Variants in ZBTB25 observed in about 807,000 individuals in gnomAD.
ZBTB25 encodes the protein zinc finger and BTB domain-containing protein 25.
In ZBTB25, 20 loss-of-function variants were observed where a neutral mutation model predicts 34.2. The observed-to-expected ratio is 0.58, with a 90% confidence interval of 0.41 to 0.85. The LOEUF is 0.85. Among genes scored for constraint, ZBTB25 ranks in the 40% least tolerant of loss-of-function variants. ZBTB25 has a pLI of 0.00. For missense variants in ZBTB25, 437 were observed against 521.8 expected (o/e 0.84, Z 1.58); for synonymous variants, 175 against 186.4 (o/e 0.94, Z 0.50).
Position 64,485,281 on chromosome 14 carries a change from T to C in ZBTB25, c.*1642A>G. 2 of 985,464 alleles carry C rather than the reference T, an allele frequency of 2.0e-6. No homozygotes were observed. The highest frequency in any genetic ancestry group is 2.4e-6 in the Non-Finnish European group (2 of 829,930). The allele number at this position is 985,464 out of a possible 1,614,324, so 61.0% of individuals were successfully genotyped here. On this transcript the variant is annotated 3_prime_UTR_variant, in exon 3 of 3. Transcript: ENST00000608382. Reference sequence around the variant, plus strand: ...AAGTGGAGGGAGCTCAAGAGTTTTGTAAGTGGTTAAATTCTAAGGCTCACA... The same window carrying C: ...AAGTGGAGGGAGCTCAAGAGTTTTGCAAGTGGTTAAATTCTAAGGCTCACA...
downstream of ZBTB25, chr14:64,473,249 A>T (rs961145900): frequency 6.0e-6 from 1 of 167,038 alleles, no homozygotes; most frequent in African/African-American, 2.4e-5. Flanking sequence ...TTCAAACAGA[A>T]ATTATGTTCC....
At chr14:64,501,802 C>T (rs2079507455) in intron 1 of ZBTB25, among the ~76,000 whole-genome samples, 1 of 152,226 alleles carries the variant, frequency 6.6e-6, no homozygotes, top group Non-Finnish European at 1.5e-5. Flanking sequence ...CTGGCTCCTT[C>T]ACATTCCCCT....
rs2079575576 is a variant in ZBTB25, at chr14:64,503,695, G to A, written c.-42C>T. On this transcript the variant is annotated 5_prime_UTR_variant, in exon 1 of 3. In the 5' UTR this introduces an upstream ATG that the reference lacks. Coordinates refer to ENST00000608382, the MANE Select transcript of ZBTB25 (RefSeq NM_006977.5). ...GCCGCGGCGGCAGGCCGACTCCTCC[G>A]TGCAGGAGGGGCGGGCTCCCAAGCC... The A allele has an allele frequency of 2.5e-6, 2 of 786,162 alleles. No individual in the cohort carries two copies. The highest frequency in any genetic ancestry group is 1.5e-6 in the Non-Finnish European group (1 of 648,096). The allele number at this position is 786,162 out of a possible 1,614,324, so 48.7% of individuals were successfully genotyped here.
At chr14:64,458,592 G>A (rs2078511908) in intron 2 of ZBTB25, 1 of 455,958 alleles carries the variant, frequency 2.2e-6, no homozygotes. Context: ...GGAAACTACA[G>A]GAGAGGTTAG....
Position 64,487,359 on chromosome 14 carries a change from G to T in ZBTB25, c.872C>A (p.Ala291Asp), listed in dbSNP as rs1256981649. 6.2e-7 allele frequency: 1 copy of T among 1,614,072 alleles called. No individual in the cohort carries two copies. Among genetic ancestry groups the T allele is most frequent in the Non-Finnish European group, 8.5e-7 (1 of 1,180,004 alleles). The change falls in exon 3 of 3, where the codon GCC (alanine) becomes GAC (aspartate). Residue 291 changes from alanine (A) to aspartate (D), a missense_variant. Physicochemically the swap from Ala to Asp is moderately radical, Grantham distance 126 (BLOSUM62 -2). Coordinates refer to ENST00000608382, the MANE Select transcript of ZBTB25 (RefSeq NM_006977.5). ...EVHPLNENSE[A>D]LECRRLSSFI... ...GGAGCTGAGCCTGCGGCATTCAAGG[G>T]CCTCGCTGTTTTCATTAAGGGGATG...
downstream of ZBTB25, chr14:64,478,038 G>C (rs1006173736): frequency 6.6e-5 from 10 of 152,220 alleles, no homozygotes; most frequent in African/African-American, 2.2e-4. Flanking sequence ...TGACATGAAA[G>C]GACACCATGG....
At position 64,468,621 on chromosome 14, in the gene ZBTB25, G is replaced by T. The variant is rs555999227; in HGVS notation, c.174-18983C>A. The stretch of plus-strand genomic sequence containing the variant: ...GCTTCTGATCAGCCAGAGCCCACAC[G>T]GGGGGCCTGGGCCTCACTCAAACGT... On this transcript the variant is annotated intron_variant, in intron 2 of 2. Transcript: ENST00000555220. 6.6e-5 allele frequency: 106 copies of T among 1,613,706 alleles called. No individual in the cohort carries two copies. The highest frequency in any genetic ancestry group is 6.9e-5 in the Non-Finnish European group (82 of 1,179,980).
chr14:64,449,738 T>C, intron 2 of ZBTB25: 3 of 1,244,142 alleles, frequency 2.4e-6, no homozygotes, highest in Non-Finnish European at 3.4e-6. Context: ...TGCGGTTTGA[T>C]TCCCACGTAG....
At chr14:64,492,748 G>C (rs1223386336) in intron 1 of ZBTB25, among the ~76,000 whole-genome samples, 2 of 152,102 alleles carry the variant, frequency 1.3e-5, no homozygotes, top group Non-Finnish European at 2.9e-5. Flanking sequence ...TGGTCTGTTG[G>C]TAACAGTTAA....
chr14:64,475,936 T>C (rs75173238), downstream of ZBTB25, among the ~76,000 whole-genome samples: 1,715 of 152,352 alleles, frequency 0.011, 23 homozygotes, highest in South Asian at 0.068. Flanking sequence ...TTGGCCTTGA[T>C]ATGACAGTGC....
At chr14:64,500,506 A>G (rs2079453623) in intron 1 of ZBTB25, among the ~76,000 whole-genome samples, 1 of 147,664 alleles carries the variant, frequency 6.8e-6, no homozygotes, top group African/African-American at 2.5e-5. Context: ...AATTCCTGCT[A>G]GCAAAGGGAA....
rs72724404 is a variant in ZBTB25 at position 64,466,878 on chromosome 14, T to C, written c.174-17240A>G. 7.5e-3 allele frequency among the ~76,000 whole-genome samples: 1,142 copies of C among 152,350 alleles called. 7 individuals are homozygous for C. Among genetic ancestry groups the C allele is most frequent in the Admixed American group, 0.013 (204 of 15,306 alleles). Reference sequence around the variant, plus strand: ...CCATTTCCATTCTTTGGTGCCATCATACCATTCTAAGGATTAAATTTTCAA... The same window carrying C: ...CCATTTCCATTCTTTGGTGCCATCACACCATTCTAAGGATTAAATTTTCAA... On this transcript the variant is annotated intron_variant, in intron 2 of 2. Transcript: ENST00000555220.
rs1430391471 is a variant in ZBTB25, at chr14:64,482,380, G to A, written c.*4543C>T. 6.6e-6 allele frequency: 1 copy of A among 152,416 alleles called. No homozygotes were observed. The highest frequency in any genetic ancestry group is 1.5e-5 in the Non-Finnish European group (1 of 68,180). 9.4% of individuals were successfully genotyped at this position (152,416 alleles called of 1,614,324 possible). A position where few individuals can be genotyped will look rare whatever the true frequency, so the allele number is the denominator to read the frequency against. On this transcript the variant is annotated 3_prime_UTR_variant, in exon 3 of 3. Coordinates refer to ENST00000608382, the MANE Select transcript of ZBTB25 (RefSeq NM_006977.5). ...GAAGAAGAATCGCTTGAACCTGGGAGGCGGAGGTTGCAGTGAGCCGAGATC... is the reference window on the plus strand; with the variant it reads ...GAAGAAGAATCGCTTGAACCTGGGAAGCGGAGGTTGCAGTGAGCCGAGATC...
At chr14:64,498,428 C>T (rs905218906) in intron 1 of ZBTB25, among the ~76,000 whole-genome samples, 23 of 151,142 alleles carry the variant, frequency 1.5e-4, no homozygotes, top group Middle Eastern at 3.5e-3. Flanking sequence ...TTCTCCCGGA[C>T]TCAGCCTCCT....
At chr14:64,493,912 C>T (rs573968599) in intron 1 of ZBTB25, among the ~76,000 whole-genome samples, 6 of 151,650 alleles carry the variant, frequency 4.0e-5, no homozygotes, top group Non-Finnish European at 7.4e-5. Flanking sequence ...AAGTGTCTAC[C>T]AGGTATCTAA....
chr14:64,498,404 C>G (rs1013688394), intron 1 of ZBTB25, among the ~76,000 whole-genome samples: 9 of 151,914 alleles, frequency 5.9e-5, no homozygotes, highest in Non-Finnish European at 1.0e-4. Context: ...CCTCCGCCTC[C>G]TGGGTTCAAG....
intron 1 of ZBTB25, among the ~76,000 whole-genome samples, chr14:64,497,360 C>G (rs1304053786): frequency 6.6e-6 from 1 of 152,162 alleles, no homozygotes; most frequent in African/African-American, 2.4e-5. Flanking sequence ...GCTCATCATT[C>G]TTTGACTGTC....
intron 2 of ZBTB25, among the ~76,000 whole-genome samples, chr14:64,450,012 G>C (rs111315344): frequency 2.0e-5 from 3 of 152,108 alleles, no homozygotes; most frequent in Non-Finnish European, 4.4e-5. Context: ...GGCTGGTCTC[G>C]AACTCCTGAC....
downstream of ZBTB25, among the ~76,000 whole-genome samples, chr14:64,476,754 C>T (rs114112008): frequency 0.035 from 5,277 of 152,158 alleles, 141 homozygotes; most frequent in Middle Eastern, 0.051. Context: ...AAGTCAAACT[C>T]AGTTTTTGAT....
Sources: gnomAD v4.1 joint callset for allele counts (sites outside exome capture counted in the v4.1 genomes callset) on GRCh38, gnomAD v4.1.1 for gene constraint, MANE v1.5 for transcripts, NCBI Gene and HGNC (gene_info 2026-07-23, HGNC 2026-07-21) for gene names.